WWOX: variants seen among roughly 807,000 people sequenced by gnomAD.
WWOX encodes the protein WW domain containing oxidoreductase.
A neutral mutation model predicts 46.2 loss-of-function variants in WWOX; 69 were observed. The ratio of observed to expected loss-of-function variants is 1.49; its 90% confidence interval spans 1.23 to 1.82. WWOX has a LOEUF of 1.82. Among genes scored for constraint, WWOX ranks in the 40% most tolerant of loss-of-function variants. The pLI is 0.00. For missense variants in WWOX, 919 were observed against 542.6 expected, an observed-to-expected ratio of 1.69 and a Z score of -6.89; for synonymous variants, 359 against 202.6, an observed-to-expected ratio of 1.77 and a Z score of -6.56.
rs938136391 is a variant in WWOX at position 78,628,328 on chromosome 16, C to T, written c.1056+195576C>T. Among the ~76,000 whole-genome samples, 39 of 152,144 alleles carry T rather than the reference C, an allele frequency of 2.6e-4. 1 individual carries two copies. The highest frequency in any genetic ancestry group is 9.2e-4 in the African/African-American group (38 of 41,430). ...CAGTTCAGTGTTTCAGAATCTCAGC[C>T]TTCCAGCAGAATCCCCTTTGTTTGC... On this transcript the variant is annotated intron_variant, in intron 8 of 8. Coordinates refer to ENST00000566780, the MANE Select transcript of WWOX (RefSeq NM_016373.4).
chr16:78,233,819 G>A (rs1016424403), intron 5 of WWOX, among the ~76,000 whole-genome samples: 4 of 152,150 alleles, frequency 2.6e-5, no homozygotes, highest in Non-Finnish European at 5.9e-5. Flanking sequence ...GAGCCACCGT[G>A]CCTGGCCTGA....
At chr16:79,179,488 C>A (rs1004443883) in intron 8 of WWOX, among the ~76,000 whole-genome samples, 1 of 152,212 alleles carries the variant, frequency 6.6e-6, no homozygotes, top group African/African-American at 2.4e-5. Context: ...GGAAAACCTG[C>A]AAACATGCAA....
At chr16:79,004,119 A>G (rs755220966) in intron 8 of WWOX, 1 of 152,158 alleles carries the variant, frequency 6.6e-6, no homozygotes, top group Non-Finnish European at 1.5e-5. Flanking sequence ...CTTGTCTGTT[A>G]TCTCTTTATC....
intron 5 of WWOX, among the ~76,000 whole-genome samples, chr16:78,373,533 G>A (rs1467319891): frequency 1.3e-5 from 2 of 152,124 alleles, no homozygotes; most frequent in Non-Finnish European, 2.9e-5. Flanking sequence ...GTGGCTTTCT[G>A]TCTAGTCAAC....
chr16:78,475,378 G>C (rs2084327618), intron 8 of WWOX, among the ~76,000 whole-genome samples: 1 of 152,172 alleles, frequency 6.6e-6, no homozygotes, highest in Admixed American at 6.5e-5. Flanking sequence ...TGCTGAGATA[G>C]GAGCTTTTGG....
chr16:79,052,271 T>A (rs1173152499), intron 8 of WWOX, among the ~76,000 whole-genome samples: 2 of 150,680 alleles, frequency 1.3e-5, no homozygotes, highest in Non-Finnish European at 2.9e-5. Context: ...TTGTCACCTA[T>A]GAGTGAGAAT....
intron 8 of WWOX, among the ~76,000 whole-genome samples, chr16:78,434,649 T>C (rs2083296933): frequency 6.6e-6 from 1 of 152,200 alleles, no homozygotes; most frequent in South Asian, 2.1e-4. Context: ...TTGATGTGTT[T>C]TAAGGAGCTC....
At chr16:78,876,997 T>C (rs1029085058) in intron 8 of WWOX, among the ~76,000 whole-genome samples, 1 of 152,206 alleles carries the variant, frequency 6.6e-6, no homozygotes, top group African/African-American at 2.4e-5. Context: ...TTAAGTTAAC[T>C]GGTTCCTATT....
In WWOX at chr16:78,784,585, G is replaced by A. The variant is rs1024019666; in HGVS notation, c.1056+351833G>A. Among the ~76,000 whole-genome samples the A allele has an allele frequency of 7.9e-5, 12 of 152,200 alleles. No homozygotes were observed. The East Asian group carries it at 1.9e-3, about 24-fold the overall frequency. ...GGGGGAATTGATAATAGGAATTGTC[G>A]CAAAGAGCTGTTTTAAAGATTAAAT... On this transcript the variant is annotated intron_variant, in intron 8 of 8. Coordinates refer to ENST00000566780, the MANE Select transcript of WWOX (RefSeq NM_016373.4).
chr16:78,265,840 T>C (rs1282330903), intron 5 of WWOX: 1 of 152,102 alleles, frequency 6.6e-6, no homozygotes, highest in Non-Finnish European at 1.5e-5. Flanking sequence ...GTAAATAGAC[T>C]CCTTAATAAA....
chr16:79,156,311 C>A (rs1163950212), intron 8 of WWOX, among the ~76,000 whole-genome samples: 3 of 152,180 alleles, frequency 2.0e-5, no homozygotes, highest in African/African-American at 7.2e-5. Flanking sequence ...CAGGTGCGCA[C>A]CAACACACTT....
chr16:78,821,253 G>T lies in WWOX; in HGVS notation c.1056+388501G>T, dbSNP rs547167336. On this transcript the variant is annotated intron_variant, in intron 8 of 8. Transcript: ENST00000566780. Reference sequence around the variant, plus strand: ...ATCGTCTGTTACCTGAAGAGCAGAAGGATGATAAAAGTGAGGAAACTGAGG... The same window carrying T: ...ATCGTCTGTTACCTGAAGAGCAGAATGATGATAAAAGTGAGGAAACTGAGG... Among the ~76,000 whole-genome samples the T allele has an allele frequency of 3.3e-5, 5 of 152,230 alleles. No individual in the cohort carries two copies. The South Asian group carries it at 1.0e-3, about 32-fold the overall frequency.
intron 8 of WWOX, among the ~76,000 whole-genome samples, chr16:78,659,994 A>C (rs1329090400): frequency 6.6e-6 from 1 of 152,198 alleles, no homozygotes; most frequent in East Asian, 1.9e-4. Flanking sequence ...TCATCAGTAC[A>C]TTGTTAATTG....
chr16:78,785,748 A>G (rs902600800), intron 8 of WWOX, among the ~76,000 whole-genome samples: 27 of 152,214 alleles, frequency 1.8e-4, no homozygotes, highest in African/African-American at 6.3e-4. Flanking sequence ...TAAGGCAAAA[A>G]CAAAATAAGA....
intron 8 of WWOX, among the ~76,000 whole-genome samples, chr16:78,906,524 G>A (rs954117481): frequency 2.6e-5 from 4 of 152,074 alleles, no homozygotes; most frequent in South Asian, 2.1e-4. Context: ...ATCAGGCCAC[G>A]ATTGCAGGGT....
intron 6 of WWOX, among the ~76,000 whole-genome samples, chr16:78,391,805 C>G (rs1231216239): frequency 6.6e-6 from 1 of 152,176 alleles, no homozygotes; most frequent in South Asian, 2.1e-4. Context: ...GAGCCGAGAT[C>G]ATGCCTGGGG....
rs1005711339 is a variant in WWOX, at chr16:78,099,771, A to G, written c.-8A>G. The G allele has an allele frequency of 1.9e-6, 3 of 1,539,636 alleles. No homozygotes were observed. Among genetic ancestry groups the G allele is most frequent in the African/African-American group, 2.8e-5 (2 of 71,850 alleles). On this transcript the variant is annotated 5_prime_UTR_variant, in exon 1 of 9. Transcript: ENST00000566780. Reference sequence around the variant, plus strand: ...CGATAGGGGGGCCAGGTGCCTCCACAGTCAGCCATGGCAGCGCTGCGCTAC... The same window carrying G: ...CGATAGGGGGGCCAGGTGCCTCCACGGTCAGCCATGGCAGCGCTGCGCTAC...
chr16:78,947,573 A>C (rs2045974100), intron 8 of WWOX, among the ~76,000 whole-genome samples: 1 of 152,218 alleles, frequency 6.6e-6, no homozygotes. Context: ...ACAGATTTTC[A>C]GGGATGGCCC....
intron 8 of WWOX, among the ~76,000 whole-genome samples, chr16:79,095,087 C>T (rs147262546): frequency 6.6e-6 from 1 of 152,230 alleles, no homozygotes; most frequent in African/African-American, 2.4e-5. Context: ...TATTCTCTGC[C>T]CCAGCCCCGT....
Sources: allele counts gnomAD v4.1 joint callset (sites outside exome capture counted in the v4.1 genomes callset), GRCh38; gene constraint gnomAD v4.1.1; transcripts MANE v1.5; gene names NCBI Gene and HGNC (gene_info 2026-07-23, HGNC 2026-07-21).